GRK1: variants seen among roughly 807,000 people sequenced by gnomAD.
GRK1 encodes the protein rhodopsin kinase GRK1.
GRK1 carries 28 observed loss-of-function variants against 41.7 expected under a neutral mutation model. That is an observed-to-expected ratio of 0.67 (90% confidence interval 0.50 to 0.92). GRK1 has a LOEUF of 0.92. GRK1 is among the 40% of genes least tolerant of loss of function. The probability of loss-of-function intolerance (pLI) is 0.00; values close to 1 mark genes in which losing one functional copy is unlikely to be tolerated. For missense variants in GRK1, 703 were observed against 671.2 expected, an observed-to-expected ratio of 1.05 and a Z score of -0.52; for synonymous variants, 327 against 286.7, an observed-to-expected ratio of 1.14 and a Z score of -1.42.
chr13:113,669,862 G>A (rs764235917), intron 2 of GRK1, 48 bp downstream of exon 2: 21 of 1,606,924 alleles, frequency 1.3e-5, no homozygotes, highest in Middle Eastern at 3.5e-4. Flanking sequence ...GTCCCACTGG[G>A]TCAGGGTTTC....
rs747775300 is a variant in GRK1, at chr13:113,671,474, A to G, written c.828-25A>G. 3.9e-5 allele frequency: 30 copies of G among 777,784 alleles called. No individual in the cohort carries two copies. Among genetic ancestry groups the G allele is most frequent in the Non-Finnish European group, 6.0e-5 (25 of 417,904 alleles). 48.2% of individuals were successfully genotyped at this position (777,784 alleles called of 1,614,324 possible). A position where few individuals can be genotyped will look rare whatever the true frequency, so the allele number is the denominator to read the frequency against. On this transcript the variant is annotated intron_variant, in intron 2 of 6. Coordinates refer to ENST00000335678, the MANE Select transcript of GRK1 (RefSeq NM_002929.3). The surrounding 1 kb of genome is among the most constrained non-coding windows in gnomAD (Gnocchi z 4.1). ...TTACTCCCCATTAAACCCGGGGTGC[A>G]TGGTTCCCACGTGTCTTCCCCCAGG... is the stretch of plus-strand genomic sequence containing the variant.
At chr13:113,668,424 G>A (rs1274579026) in intron 1 of GRK1, among the ~76,000 whole-genome samples, 4 of 152,274 alleles carry the variant, frequency 2.6e-5, no homozygotes, top group Admixed American at 1.3e-4. Flanking sequence ...CAGGGTCTCC[G>A]GATTCTTTGC....
intron 6 of GRK1, among the ~76,000 whole-genome samples, chr13:113,733,576 T>C (rs1296378171): frequency 6.7e-6 from 1 of 150,214 alleles, no homozygotes; most frequent in African/African-American, 2.5e-5. Context: ...TATGTGTATG[T>C]GTGTGCATAC....
chr13:113,730,583 G>A (rs907854595), intron 4 of GRK1, among the ~76,000 whole-genome samples: 4 of 151,324 alleles, frequency 2.6e-5, no homozygotes, highest in Non-Finnish European at 5.9e-5. Flanking sequence ...TCCATCCTGA[G>A]TCCCCGTGGC....
upstream of GRK1, among the ~76,000 whole-genome samples, chr13:113,663,895 A>G (rs759865778): frequency 3.3e-5 from 5 of 152,264 alleles, no homozygotes; most frequent in Non-Finnish European, 5.9e-5. Flanking sequence ...CGGTTTCTTC[A>G]AAACTAAACG....
At chr13:113,672,190 GGT>G (rs1185214581) in intron 3 of GRK1, among the ~76,000 whole-genome samples, 2 of 151,716 alleles carry the variant, frequency 1.3e-5, no homozygotes, top group African/African-American at 4.8e-5. Context: ...TGGTTTGTGG[GGT>G]GTGTGTGTGT....
rs1202023343 is a variant in GRK1, at chr13:113,733,652, C to A, written c.1396+567C>A. On this transcript the variant is annotated intron_variant, in intron 6 of 6. Coordinates refer to ENST00000335678, the MANE Select transcript of GRK1 (RefSeq NM_002929.3). Reference sequence around the variant, plus strand: ...GTGTGTGCTCATGTATGTGTGCATACGTGTGTGTGCGTGTGTGCACGTGTG... The same window carrying A: ...GTGTGTGCTCATGTATGTGTGCATAAGTGTGTGTGCGTGTGTGCACGTGTG... Among the ~76,000 whole-genome samples the A allele has an allele frequency of 5.9e-4, 47 of 79,626 alleles. 2 individuals are homozygous for A. The highest frequency in any genetic ancestry group is 2.9e-3 in the African/African-American group (45 of 15,768). The allele number at this position is 79,626 out of a possible 152,430, so 52.2% of individuals were successfully genotyped here.
chr13:113,664,333 C>G (rs1049862562), upstream of GRK1, among the ~76,000 whole-genome samples: 4 of 152,166 alleles, frequency 2.6e-5, no homozygotes, highest in Non-Finnish European at 5.9e-5. This position sits in a 1 kb window ranked among gnomAD's most constrained non-coding sequence, Gnocchi z 5.4. Context: ...AAGATGTCAT[C>G]ATTACAGGAG....
chr13:113,655,306 T>C, the GRK1 span, among the ~76,000 whole-genome samples: 1 of 152,192 alleles, frequency 6.6e-6, no homozygotes, highest in Non-Finnish European at 1.5e-5. Flanking sequence ...GGGGGAGTTA[T>C]GGTTCCCCCA....
At chr13:113,664,264 C>T (rs1241493791), upstream of GRK1, among the ~76,000 whole-genome samples, 1 of 152,090 alleles carries the variant, frequency 6.6e-6, no homozygotes, top group Admixed American at 6.5e-5. The surrounding 1 kb of genome is among the most constrained non-coding windows in gnomAD (Gnocchi z 5.4). Flanking sequence ...AGGAGGGTCC[C>T]GTGGATGGAG....
Position 113,667,582 on chromosome 13 carries a change from C to T in GRK1, c.196C>T (p.Pro66Ser). 6.2e-7 allele frequency: 1 copy of T among 1,613,630 alleles called. No individual in the cohort carries two copies. The highest frequency in any genetic ancestry group is 8.5e-7 in the Non-Finnish European group (1 of 1,179,896). Reference sequence around the variant, plus strand: ...GTTTGAGAGTGTGTGCTTGGAGCAGCCCATCGGCAAGAAGCTCTTTCAGCA... The same window carrying T: ...GTTTGAGAGTGTGTGCTTGGAGCAGTCCATCGGCAAGAAGCTCTTTCAGCA... Reference protein sequence around the residue: ...LEFESVCLEQPIGKKLFQQFL... With the variant: ...LEFESVCLEQSIGKKLFQQFL... Residue 66 changes from proline to serine, a missense_variant, in exon 1 of 7, where the codon CCC becomes TCC. Pro to Ser is a moderately conservative substitution (Grantham distance 74). Coordinates refer to ENST00000335678, the MANE Select transcript of GRK1 (RefSeq NM_002929.3). This position sits in a 1 kb window ranked among gnomAD's most constrained non-coding sequence, Gnocchi z 7.5.
intron 4 of GRK1, among the ~76,000 whole-genome samples, chr13:113,724,445 G>C (rs1594574277): frequency 6.6e-6 from 1 of 152,310 alleles, no homozygotes; most frequent in African/African-American, 2.4e-5. Flanking sequence ...GTTTGTGTGC[G>C]GTGGTGTTTT....
chr13:113,649,666 C>T, the GRK1 span: 4 of 1,044,688 alleles, frequency 3.8e-6, no homozygotes, highest in Non-Finnish European at 5.2e-6. This position sits in a 1 kb window ranked among gnomAD's most constrained non-coding sequence, Gnocchi z 4.7. Context: ...CTGGCCCTGA[C>T]CGAGTGCATG....
In GRK1 at chr13:113,731,287, G is replaced by T. The variant is rs995065177; in HGVS notation, c.1138G>T (p.Val380Phe). 2.1e-5 allele frequency: 32 copies of T among 1,537,014 alleles called. No homozygotes were observed. Among genetic ancestry groups the T allele is most frequent in the South Asian group, 9.5e-5 (8 of 84,066 alleles). Residue 380 changes from valine (V) to phenylalanine (F), a missense_variant, in exon 5 of 7, where the codon GTC becomes TTC. Transcript: ENST00000335678. This position sits in a 1 kb window ranked among gnomAD's most constrained non-coding sequence, Gnocchi z 5.6. ...DFSVDYFALG[V>F]TLYEMIAARG... The stretch of plus-strand genomic sequence containing the variant: ...CTCCGTGGACTACTTTGCCCTGGGG[G>T]TCACCCTGTATGAGATGATTGCGGC...
intron 5 of GRK1, among the ~76,000 whole-genome samples, chr13:113,732,256 CT>C (rs1360289628): frequency 6.6e-6 from 1 of 152,182 alleles, no homozygotes; most frequent in Non-Finnish European, 1.5e-5. Flanking sequence ...ATGCCCACCC[CT>C]CTCCCTTCTG....
At chr13:113,653,016 A>G in the GRK1 span, 1 of 1,614,096 alleles carries the variant, frequency 6.2e-7, no homozygotes, top group Non-Finnish European at 8.5e-7. Flanking sequence ...CTCTCCTGGA[A>G]GAAGTACTGC....
chr13:113,727,355 T>A (rs918661258), intron 4 of GRK1, among the ~76,000 whole-genome samples: 1 of 152,130 alleles, frequency 6.6e-6, no homozygotes, highest in Non-Finnish European at 1.5e-5. Context: ...GGTTGTGGAC[T>A]GTGGGCTGTA....
At chr13:113,656,286 C>T in the GRK1 span, among the ~76,000 whole-genome samples, 172 of 152,314 alleles carry the variant, frequency 1.1e-3, no homozygotes, top group African/African-American at 3.9e-3. Flanking sequence ...ACGCTCGTGA[C>T]GGCAGGGGTC....
In GRK1 at chr13:113,668,009, A is replaced by G. The variant is rs754810544; in HGVS notation, c.623A>G (p.Gln208Arg). 9.9e-6 allele frequency: 16 copies of G among 1,611,736 alleles called. No homozygotes were observed. The highest frequency in any genetic ancestry group is 1.4e-5 in the Non-Finnish European group (16 of 1,179,080). ...GGCTTCGGGGAGGTGTCGGCCTGCC[A>G]GATGAAGGCGACCGGCAAGCTGTAT... ...KGGFGEVSAC[Q>R]MKATGKLYAC... Residue 208 changes from glutamine (Q) to arginine (R), a missense_variant, in exon 1 of 7, where the codon CAG (glutamine) becomes CGG (arginine). Coordinates refer to ENST00000335678, the MANE Select transcript of GRK1 (RefSeq NM_002929.3).
Sources: allele counts gnomAD v4.1 joint callset (sites outside exome capture counted in the v4.1 genomes callset), GRCh38; gene constraint gnomAD v4.1.1; non-coding constraint Gnocchi (gnomAD v3.1); transcripts MANE v1.5; gene names NCBI Gene and HGNC (gene_info 2026-07-23, HGNC 2026-07-21).